SPARCL1: variants seen among roughly 807,000 people sequenced by gnomAD.
SPARCL1 encodes the protein SPARC like 1.
SPARCL1 carries 52 observed loss-of-function variants against 67.1 expected under a neutral mutation model. That is an observed-to-expected ratio of 0.78 (90% CI 0.62 to 0.98). SPARCL1 has a LOEUF of 0.98. Ranked by LOEUF, SPARCL1 falls within the 50% of genes least tolerant of loss-of-function variation. The probability of loss-of-function intolerance (pLI) is 0.00; values close to 1 mark genes in which losing one functional copy is unlikely to be tolerated. For missense variants in SPARCL1, 717 were observed against 782.4 expected, an observed-to-expected ratio of 0.92 and a Z score of 1.00; for synonymous variants, 226 against 267.8, an observed-to-expected ratio of 0.84 and a Z score of 1.52.
At chr4:87,515,858 C>T (rs1035109269) in intron 1 of SPARCL1, among the ~76,000 whole-genome samples, 1 of 152,192 alleles carries the variant, frequency 6.6e-6, no homozygotes, top group Non-Finnish European at 1.5e-5. Flanking sequence ...GAGTAACTGC[C>T]TTGAGACAAT....
At chr4:87,479,928 C>T (rs951185621) in intron 9 of SPARCL1, among the ~76,000 whole-genome samples, 2 of 151,916 alleles carry the variant, frequency 1.3e-5, no homozygotes, top group Non-Finnish European at 2.9e-5. Flanking sequence ...TGGGAATTTA[C>T]GATCAAGAAT....
intron 1 of SPARCL1, among the ~76,000 whole-genome samples, chr4:87,506,156 A>G (rs1360221172): frequency 1.3e-5 from 2 of 152,192 alleles, no homozygotes; most frequent in East Asian, 1.9e-4. Context: ...ATTGAGAACC[A>G]TTGGTTTAGC....
chr4:87,493,902 T>TTTTA lies in SPARCL1; in HGVS notation c.894_897dup (p.Thr300Ter), dbSNP rs748117297. The TTTTA allele has an allele frequency of 3.8e-5, 61 of 1,614,076 alleles. No individual in the cohort carries two copies. The highest frequency in any genetic ancestry group is 5.2e-5 in the Non-Finnish European group (61 of 1,180,040). ...TGGTTGCTGATAGCTTCTAGGCCAG[T>TTTTA]TTTACCCTCTTGACTCTGCCATTCA... On this transcript the variant is annotated stop_gained and frameshift_variant, in exon 4 of 11. Transcript: ENST00000282470. LOFTEE classifies it high-confidence loss of function.
At chr4:87,504,185 T>TGTGTGGGGGGGGGGGGGGGGG (rs1553970328) in intron 1 of SPARCL1, among the ~76,000 whole-genome samples, 3 of 19,064 alleles carry the variant, frequency 1.6e-4, no homozygotes, top group African/African-American at 2.9e-4. Context: ...GTGTGTGTGG[T>TGTGTGGGGGGGGGGGGGGGGG]GGGGTGGGGG....
Position 87,494,248 on chromosome 4 carries a change from G to A in SPARCL1, c.552C>T (p.Gly184=), listed in dbSNP as rs749632055. 5.6e-6 allele frequency: 9 copies of A among 1,613,880 alleles called. No individual in the cohort carries two copies. Among genetic ancestry groups the A allele is most frequent in the Admixed American group, 1.7e-5 (1 of 59,984 alleles). ...QLNRSSKHSQ[G]LRDQGNQEQD... ...GCTCTTGGTTTCCTTGATCCCTTAG[G>A]CCTTGGCTATGTTTACTGCTCCTGT... is the stretch of plus-strand genomic sequence containing the variant. Residue 184 remains glycine, a synonymous_variant, in exon 4 of 11, where the codon GGC becomes GGT. Coordinates refer to ENST00000282470, the MANE Select transcript of SPARCL1 (RefSeq NM_004684.6).
At chr4:87,513,604 A>G (rs570720076) in intron 1 of SPARCL1, among the ~76,000 whole-genome samples, 8 of 151,900 alleles carry the variant, frequency 5.3e-5, no homozygotes, top group African/African-American at 1.7e-4. Flanking sequence ...AATGATTATT[A>G]TTTTCATTGT....
intron 7 of SPARCL1, among the ~76,000 whole-genome samples, chr4:87,485,010 A>G (rs1437187183): frequency 3.9e-5 from 6 of 152,014 alleles, no homozygotes; most frequent in Non-Finnish European, 7.4e-5. Flanking sequence ...GTCATCTGCA[A>G]ACAGGGACAA....
At chr4:87,497,731 AGT>A (rs1282915554) in intron 2 of SPARCL1, among the ~76,000 whole-genome samples, 3 of 152,188 alleles carry the variant, frequency 2.0e-5, no homozygotes, top group Non-Finnish European at 4.4e-5. Flanking sequence ...TCTAAATGCA[AGT>A]GTGTCATTCA....
intron 1 of SPARCL1, chr4:87,528,013 T>C (rs1726121211): frequency 6.6e-6 from 1 of 152,082 alleles, no homozygotes; most frequent in South Asian, 2.1e-4. Context: ...ACATTTCTAT[T>C]CAATGTGCTT....
chr4:87,526,934 G>A (rs1726067975), intron 1 of SPARCL1, among the ~76,000 whole-genome samples: 1 of 152,130 alleles, frequency 6.6e-6, no homozygotes, highest in Admixed American at 6.5e-5. Context: ...CATGAATGAA[G>A]AGACTGAGGC....
chr4:87,501,159 C>T (rs930227031), intron 1 of SPARCL1, among the ~76,000 whole-genome samples: 1 of 152,132 alleles, frequency 6.6e-6, no homozygotes, highest in Non-Finnish European at 1.5e-5. Context: ...GTGTCCATTT[C>T]GCCCCTTGGA....
chr4:87,503,665 A>G (rs1724940206), intron 1 of SPARCL1, among the ~76,000 whole-genome samples: 1 of 147,282 alleles, frequency 6.8e-6, no homozygotes, highest in African/African-American at 2.6e-5. Context: ...AACTCAGCAA[A>G]TGAAGTTTTT....
intron 2 of SPARCL1, among the ~76,000 whole-genome samples, chr4:87,495,695 G>A (rs1450164186): frequency 6.6e-6 from 1 of 152,160 alleles, no homozygotes; most frequent in Non-Finnish European, 1.5e-5. Context: ...ATGCCGAGGT[G>A]GGTGGATCAC....
Position 87,491,606 on chromosome 4 carries a change from A to G in SPARCL1, c.1291+12T>C, listed in dbSNP as rs1430351101. 1.9e-6 allele frequency: 3 copies of G among 1,600,880 alleles called. No homozygotes were observed. Among genetic ancestry groups the G allele is most frequent in the Non-Finnish European group, 2.6e-6 (3 of 1,168,222 alleles). ...GATATAGTCACAAACAGCTTGCTTC[A>G]TGCATACTCACCCACAGCATGCACC... is the stretch of plus-strand genomic sequence containing the variant. On this transcript the variant is annotated intron_variant, in intron 5 of 10. Coordinates refer to ENST00000282470, the MANE Select transcript of SPARCL1 (RefSeq NM_004684.6).
At position 87,480,469 on chromosome 4, in the gene SPARCL1, T is replaced by G; in HGVS notation, c.1720A>C (p.Ile574Leu). ...EKRLLAGDHP[I>L]DLLLRDFKKN... ...TTAAAGTCCCTTAAGAGAAGATCAA[T>G]GGGATGGTCCCCAGCCAAAAGCCTC... The change falls in exon 9 of 11, where the codon ATT becomes CTT. Residue 574 changes from isoleucine to leucine, a missense_variant. Physicochemically the swap from Ile to Leu is conservative, Grantham distance 5 (BLOSUM62 2). Coordinates refer to ENST00000282470, the MANE Select transcript of SPARCL1 (RefSeq NM_004684.6). 1 of 1,613,096 alleles carries G rather than the reference T, an allele frequency of 6.2e-7. No homozygotes were observed. The highest frequency in any genetic ancestry group is 8.5e-7 in the Non-Finnish European group (1 of 1,179,556).
chr4:87,478,628 G>A (rs1049867687), intron 10 of SPARCL1, among the ~76,000 whole-genome samples: 7 of 151,908 alleles, frequency 4.6e-5, no homozygotes, highest in African/African-American at 9.7e-5. Context: ...GGTAGAGGCG[G>A]GGTTTCACCA....
At chr4:87,498,463 G>GA (rs889214637) in intron 2 of SPARCL1, among the ~76,000 whole-genome samples, 8 of 151,762 alleles carry the variant, frequency 5.3e-5, no homozygotes, top group African/African-American at 1.7e-4. Flanking sequence ...TGGTGAAAAA[G>GA]AAAAAAAATA....
intron 7 of SPARCL1, 123 bp from the exon 8 acceptor site, chr4:87,482,683 T>G: frequency 1.0e-6 from 1 of 1,004,226 alleles, no homozygotes; most frequent in Non-Finnish European, 1.5e-6. Context: ...CCCATTATTA[T>G]GACAGTGGTC....
intron 1 of SPARCL1, among the ~76,000 whole-genome samples, chr4:87,514,495 G>C (rs927311685): frequency 7.9e-5 from 12 of 152,136 alleles, no homozygotes; most frequent in Admixed American, 2.0e-4. Context: ...TAAACGCAGA[G>C]TATGGTCATG....
Sources: gnomAD v4.1 joint callset for allele counts (sites outside exome capture counted in the v4.1 genomes callset) on GRCh38, gnomAD v4.1.1 for gene constraint, MANE v1.5 for transcripts, NCBI Gene and HGNC (gene_info 2026-07-23, HGNC 2026-07-21) for gene names.